ADGRF5: variants seen among roughly 807,000 people sequenced by gnomAD.
ADGRF5 encodes adhesion G protein-coupled receptor F5.
ADGRF5 carries 75 observed loss-of-function variants against 132.3 expected under a neutral mutation model. The ratio of observed to expected loss-of-function variants is 0.57; its 90% confidence interval spans 0.47 to 0.69. ADGRF5 has a LOEUF of 0.69. ADGRF5 is among the 30% of genes least tolerant of loss of function. The pLI is 0.00. For missense variants in ADGRF5, 1,516 were observed against 1,630.6 expected (o/e 0.93, Z 1.21); for synonymous variants, 629 against 597.6 (o/e 1.05, Z -0.77).
chr6:46,877,269 T>C (rs982828661), intron 10 of ADGRF5, among the ~76,000 whole-genome samples: 15 of 40,374 alleles, frequency 3.7e-4, no homozygotes, highest in Non-Finnish European at 2.3e-4. Context: ...CTTTCTTTCT[T>C]TCTTTCTTTC....
At chr6:46,887,766 G>A (rs560747258) in intron 4 of ADGRF5, among the ~76,000 whole-genome samples, 2 of 152,318 alleles carry the variant, frequency 1.3e-5, no homozygotes, top group South Asian at 2.1e-4. Flanking sequence ...CAAGTCTTGG[G>A]TGATGGTTTC....
At chr6:46,904,410 C>A (rs1017524812) in intron 2 of ADGRF5, among the ~76,000 whole-genome samples, 2 of 152,082 alleles carry the variant, frequency 1.3e-5, no homozygotes, top group African/African-American at 4.8e-5. Context: ...ATAGATAAAC[C>A]TTGAGGATAA....
intron 1 of ADGRF5, among the ~76,000 whole-genome samples, chr6:46,953,642 G>GATAT (rs1582097442): frequency 2.4e-5 from 1 of 41,694 alleles, no homozygotes; most frequent in Non-Finnish European, 4.3e-5. Context: ...TATATATATA[G>GATAT]ATATATGTGT....
At chr6:46,901,409 C>T (rs1012933536) in intron 2 of ADGRF5, among the ~76,000 whole-genome samples, 1 of 152,194 alleles carries the variant, frequency 6.6e-6, no homozygotes, top group African/African-American at 2.4e-5. Context: ...ACCCTGAACT[C>T]CACGCATCCA....
At chr6:46,936,395 CT>C (rs1197321489) in intron 1 of ADGRF5, among the ~76,000 whole-genome samples, 1 of 152,192 alleles carries the variant, frequency 6.6e-6, no homozygotes, top group African/African-American at 2.4e-5. Context: ...CCAGATCTGC[CT>C]GCCAAACCTG....
intron 1 of ADGRF5, among the ~76,000 whole-genome samples, chr6:46,952,419 G>T (rs1339752709): frequency 6.6e-6 from 1 of 152,160 alleles, no homozygotes; most frequent in Non-Finnish European, 1.5e-5. Flanking sequence ...CCTGTGAAAG[G>T]GACTCAGTGA....
At chr6:46,937,619 A>G (rs887992672) in intron 1 of ADGRF5, among the ~76,000 whole-genome samples, 5 of 152,192 alleles carry the variant, frequency 3.3e-5, no homozygotes, top group African/African-American at 4.8e-5. Context: ...CATACCTATG[A>G]TAAAGTTTAA....
chr6:46,857,023 T>A, intron 17 of ADGRF5, 115 bp from the exon 18 acceptor site: 1 of 798,652 alleles, frequency 1.3e-6, no homozygotes, highest in South Asian at 1.6e-5. Context: ...TCCTTCTGAG[T>A]TTATGGAATG....
intron 17 of ADGRF5, among the ~76,000 whole-genome samples, chr6:46,857,728 C>G (rs970646186): frequency 6.6e-6 from 1 of 152,124 alleles, no homozygotes; most frequent in African/African-American, 2.4e-5. Flanking sequence ...AGAACCTACT[C>G]TGTACCAAGG....
intron 1 of ADGRF5, among the ~76,000 whole-genome samples, chr6:46,918,106 G>A (rs1374368026): frequency 1.3e-5 from 2 of 152,312 alleles, no homozygotes; most frequent in East Asian, 1.9e-4. Context: ...TAGGAAGCCG[G>A]GAAGATTCCA....
chr6:46,919,492 C>T (rs554534120), intron 1 of ADGRF5, among the ~76,000 whole-genome samples: 99 of 152,304 alleles, frequency 6.5e-4, no homozygotes, highest in Non-Finnish European at 1.3e-3. Context: ...AGATTAGCCT[C>T]ATTAACGTGA....
At chr6:46,890,340 G>C (rs540465059) in intron 3 of ADGRF5, among the ~76,000 whole-genome samples, 1 of 151,986 alleles carries the variant, frequency 6.6e-6, no homozygotes, top group Non-Finnish European at 1.5e-5. Context: ...CGATCTGCCT[G>C]CCTTGGCCTC....
chr6:46,927,826 C>T (rs569959127), intron 1 of ADGRF5, among the ~76,000 whole-genome samples: 2 of 152,244 alleles, frequency 1.3e-5, no homozygotes. Context: ...GGCCTGAAAC[C>T]TCCTTCTCAG....
intron 10 of ADGRF5, among the ~76,000 whole-genome samples, chr6:46,873,545 C>T (rs1042114577): frequency 3.2e-4 from 49 of 152,132 alleles, no homozygotes; most frequent in Non-Finnish European, 2.5e-4. Context: ...CTGGGTCTCC[C>T]TTTCAGGCTC....
At chr6:46,941,212 A>G (rs1211399113) in intron 1 of ADGRF5, among the ~76,000 whole-genome samples, 1 of 151,822 alleles carries the variant, frequency 6.6e-6, no homozygotes, top group Non-Finnish European at 1.5e-5. Context: ...CATCTGTAAT[A>G]CTAGCTCCTT....
At chr6:46,934,152 T>C (rs1383666817) in intron 1 of ADGRF5, among the ~76,000 whole-genome samples, 1 of 152,144 alleles carries the variant, frequency 6.6e-6, no homozygotes, top group Non-Finnish European at 1.5e-5. Context: ...GAGTGACCTC[T>C]TGCCCCTGAG....
At chr6:46,938,446 G>A (rs529749014) in intron 1 of ADGRF5, among the ~76,000 whole-genome samples, 1 of 152,276 alleles carries the variant, frequency 6.6e-6, no homozygotes, top group Admixed American at 6.5e-5. Flanking sequence ...AAACTTGGGG[G>A]CTGCTGTGAA....
chr6:46,895,732 C>T (rs1015573048), intron 3 of ADGRF5, among the ~76,000 whole-genome samples: 5 of 151,536 alleles, frequency 3.3e-5, no homozygotes, highest in East Asian at 1.9e-4. Flanking sequence ...CTCCAAGACA[C>T]GCCCCTTCTG....
At chr6:46,854,201 A>G in intron 20 of ADGRF5, 130 bp from the exon 21 acceptor site, 2 of 590,744 alleles carry the variant, frequency 3.4e-6, no homozygotes, top group Non-Finnish European at 5.8e-6. Flanking sequence ...CTGGAAACCA[A>G]CCCATACCTG....
Sources: gnomAD v4.1 joint callset for allele counts (sites outside exome capture counted in the v4.1 genomes callset) on GRCh38, gnomAD v4.1.1 for gene constraint, MANE v1.5 for transcripts, NCBI Gene and HGNC (gene_info 2026-07-23, HGNC 2026-07-21) for gene names.